The following KLHL7 variants were observed in gnomAD, a reference collection of about 807,000 sequenced individuals.
KLHL7 encodes the protein kelch like family member 7.
In KLHL7, 44 loss-of-function variants were observed where a neutral mutation model predicts 67.4. That is an observed-to-expected ratio of 0.65 (90% CI 0.51 to 0.84). KLHL7 has a LOEUF of 0.84. Ranked by LOEUF, KLHL7 falls within the 40% of genes least tolerant of loss-of-function variation. The pLI, the probability that KLHL7 is intolerant of heterozygous loss-of-function variation, is 0.00. For synonymous variants in KLHL7, 252 were observed against 243.3 expected (o/e 1.04, Z -0.33); for missense variants, 362 against 718.1 (o/e 0.50, Z 5.67).
At chr7:23,132,714 T>C (rs1783845492) in intron 4 of KLHL7, among the ~76,000 whole-genome samples, 1 of 152,216 alleles carries the variant, frequency 6.6e-6, no homozygotes, top group Non-Finnish European at 1.5e-5. Flanking sequence ...CAAGAAATCT[T>C]TGCCCAGATC....
intron 8 of KLHL7, among the ~76,000 whole-genome samples, chr7:23,167,443 G>T (rs1019317224): frequency 2.0e-5 from 3 of 152,062 alleles, no homozygotes; most frequent in Non-Finnish European, 4.4e-5. Flanking sequence ...TAAGGTATGG[G>T]TCTACCATCT....
chr7:23,133,270 T>C (rs1179680733), intron 4 of KLHL7, among the ~76,000 whole-genome samples: 1 of 152,212 alleles, frequency 6.6e-6, no homozygotes, highest in Admixed American at 6.5e-5. Flanking sequence ...TTCCAATCCA[T>C]AAACATGGAA....
intron 4 of KLHL7, among the ~76,000 whole-genome samples, chr7:23,126,429 G>A (rs545317158): frequency 1.3e-5 from 2 of 152,308 alleles, no homozygotes; most frequent in South Asian, 2.1e-4. Flanking sequence ...AGGGAAGAGC[G>A]CTGGTATAGG....
intron 5 of KLHL7, 117 bp from the exon 6 acceptor site, chr7:23,143,734 T>G (rs1209353377): frequency 9.5e-7 from 1 of 1,056,196 alleles, no homozygotes; most frequent in African/African-American, 1.6e-5. Flanking sequence ...TGAAAAATAC[T>G]AGAAATAAGT....
rs547115724 is a variant in KLHL7 at position 23,156,031 on chromosome 7, G to A, written c.936+3822G>A. The A allele has an allele frequency of 1.0e-4, 47 of 467,054 alleles. 1 individual carries two copies. The highest frequency in any genetic ancestry group is 3.3e-4 in the Middle Eastern group (1 of 2,994). 28.9% of individuals were successfully genotyped at this position (467,054 alleles called of 1,614,324 possible). ...TATTCTTCTACACGAGCCTGGAAGT[G>A]AGACTGTAACTTCAGAATTCTCATT... On this transcript the variant is annotated intron_variant, in intron 7 of 10. Coordinates refer to ENST00000339077, the MANE Select transcript of KLHL7 (RefSeq NM_001031710.3).
chr7:23,106,236 GA>G (rs1782631709), intron 1 of KLHL7, 90 bp downstream of exon 1: 2 of 1,555,430 alleles, frequency 1.3e-6, no homozygotes, highest in Non-Finnish European at 1.7e-6. Context: ...GCGCCCTGTG[GA>G]TCGCGCCCCT....
At chr7:23,123,540 G>A (rs1252619733) in intron 1 of KLHL7, among the ~76,000 whole-genome samples, 2 of 150,964 alleles carry the variant, frequency 1.3e-5, no homozygotes, top group African/African-American at 4.9e-5. Context: ...TTCTGATTAT[G>A]AGGAACTTTT....
At chr7:23,151,167 T>G (rs1350707966) in intron 6 of KLHL7, among the ~76,000 whole-genome samples, 1 of 105,634 alleles carries the variant, frequency 9.5e-6, no homozygotes, top group African/African-American at 4.9e-5. Flanking sequence ...GTTTTTTTTT[T>G]TTTCTTTTCT....
intron 5 of KLHL7, among the ~76,000 whole-genome samples, chr7:23,143,288 A>T (rs1784249979): frequency 6.6e-6 from 1 of 152,236 alleles, no homozygotes; most frequent in Non-Finnish European, 1.5e-5. Flanking sequence ...TAAATGAAGC[A>T]ACAGTATTAT....
At chr7:23,173,992 G>C (rs767152688) in intron 10 of KLHL7, 23 bp from the exon 11 acceptor site, 13 of 1,610,152 alleles carry the variant, frequency 8.1e-6, no homozygotes, top group Non-Finnish European at 1.1e-5. Context: ...TTTTCATGTT[G>C]TTCATGTTTT....
chr7:23,133,474 C>G (rs889613561), intron 4 of KLHL7, among the ~76,000 whole-genome samples: 1 of 151,950 alleles, frequency 6.6e-6, no homozygotes, highest in Non-Finnish European at 1.5e-5. Context: ...CTCTGTCACC[C>G]AAGCTGGAAT....
chr7:23,153,629 C>A (rs184017728), intron 7 of KLHL7, among the ~76,000 whole-genome samples: 57 of 152,244 alleles, frequency 3.7e-4, no homozygotes, highest in African/African-American at 1.3e-3. Context: ...AAGAATGATA[C>A]CTGCATAAAG....
At chr7:23,131,365 T>G (rs1783792113) in intron 4 of KLHL7, among the ~76,000 whole-genome samples, 1 of 152,226 alleles carries the variant, frequency 6.6e-6, no homozygotes, top group Non-Finnish European at 1.5e-5. Context: ...AGAAAAAAAC[T>G]TATTTTCCTT....
At chr7:23,109,715 C>T (rs1230294351) in intron 1 of KLHL7, among the ~76,000 whole-genome samples, 3 of 152,176 alleles carry the variant, frequency 2.0e-5, no homozygotes, top group Admixed American at 2.0e-4. Context: ...ATAATCTAAA[C>T]CTTCAGTGTT....
chr7:23,128,758 T>C (rs6969733), intron 4 of KLHL7, among the ~76,000 whole-genome samples: 73,098 of 152,026 alleles, frequency 0.48, 20,855 homozygotes, highest in African/African-American at 0.81. Flanking sequence ...ATTCTTCCTC[T>C]GGCAGGCCTG....
At chr7:23,126,684 C>G (rs1187795743) in intron 4 of KLHL7, among the ~76,000 whole-genome samples, 2 of 152,068 alleles carry the variant, frequency 1.3e-5, no homozygotes, top group African/African-American at 4.8e-5. Context: ...TCCTGCATAC[C>G]CCCTCACTGT....
chr7:23,145,937 G>C (rs1425262741), intron 6 of KLHL7, among the ~76,000 whole-genome samples: 1 of 152,128 alleles, frequency 6.6e-6, no homozygotes, highest in African/African-American at 2.4e-5. Flanking sequence ...TCGCTATCTT[G>C]TTCAGGCTGG....
At chr7:23,114,923 A>T (rs1783024544) in intron 1 of KLHL7, among the ~76,000 whole-genome samples, 1 of 152,240 alleles carries the variant, frequency 6.6e-6, no homozygotes, top group East Asian at 1.9e-4. Flanking sequence ...TCTGACTGTT[A>T]TGAGCCCTCT....
chr7:23,140,109 T>TA (rs987060074), intron 4 of KLHL7, among the ~76,000 whole-genome samples: 29 of 152,232 alleles, frequency 1.9e-4, no homozygotes, highest in African/African-American at 7.0e-4. Context: ...CCCAAAGTAA[T>TA]ACAAAAGTTC....
Sources: allele counts gnomAD v4.1 joint callset (sites outside exome capture counted in the v4.1 genomes callset), GRCh38; gene constraint gnomAD v4.1.1; transcripts MANE v1.5; gene names NCBI Gene and HGNC (gene_info 2026-07-23, HGNC 2026-07-21).